Variants in UGT2A2 observed in about 807,000 individuals in gnomAD.
UGT2A2 encodes the protein UDP-glucuronosyltransferase 2A2.
UGT2A2 carries 60 observed loss-of-function variants against 50.7 expected under a neutral mutation model. The observed-to-expected ratio is 1.18, with a 90% CI of 0.96 to 1.47. UGT2A2 has a LOEUF of 1.47. Among genes scored for constraint, UGT2A2 ranks in the 40% most tolerant of loss-of-function variants. The pLI, the probability that UGT2A2 is intolerant of heterozygous loss-of-function variation, is 0.00. For missense variants in UGT2A2, 762 were observed against 634.0 expected (o/e 1.20, Z -2.17); for synonymous variants, 242 against 214.6 (o/e 1.13, Z -1.11).
chr4:69,598,007 G>T (rs1481557198), intron 2 of UGT2A2, among the ~76,000 whole-genome samples: 2 of 152,092 alleles, frequency 1.3e-5, no homozygotes, highest in Non-Finnish European at 2.9e-5. Context: ...GTGTGTTTGT[G>T]TAAAAAGTGG....
chr4:69,623,222 G>A (rs1720852653), intron 1 of UGT2A2, among the ~76,000 whole-genome samples: 1 of 151,720 alleles, frequency 6.6e-6, no homozygotes, highest in Non-Finnish European at 1.5e-5. Flanking sequence ...AATTGTGATT[G>A]TACTGCATGC....
At chr4:69,634,928 G>T (rs1721591526) in intron 1 of UGT2A2, among the ~76,000 whole-genome samples, 1 of 151,908 alleles carries the variant, frequency 6.6e-6, no homozygotes, top group Non-Finnish European at 1.5e-5. Flanking sequence ...TAAGAGATTT[G>T]TTTTCTTCAT....
intron 1 of UGT2A2, among the ~76,000 whole-genome samples, chr4:69,608,138 C>G (rs949694559): frequency 6.6e-6 from 1 of 152,082 alleles, no homozygotes; most frequent in Admixed American, 6.6e-5. Flanking sequence ...TATTGCAGCG[C>G]TATTCACAAT....
chr4:69,611,546 G>GT (rs1005084869), intron 1 of UGT2A2, among the ~76,000 whole-genome samples: 1 of 151,860 alleles, frequency 6.6e-6, no homozygotes, highest in Non-Finnish European at 1.5e-5. Context: ...ATAGCTCAGA[G>GT]TTTTTTTCTC....
intron 1 of UGT2A2, among the ~76,000 whole-genome samples, chr4:69,632,301 G>A (rs1033962146): frequency 2.0e-5 from 3 of 152,074 alleles, no homozygotes; most frequent in Non-Finnish European, 2.9e-5. Context: ...TAGGTTTTGG[G>A]GTTAATAAGG....
rs1338376900 is a variant in UGT2A2 at position 69,589,041 on chromosome 4, T to C, written c.*331A>G. On this transcript the variant is annotated 3_prime_UTR_variant, in exon 6 of 6. Transcript: ENST00000604629. ...CAGGATTCAGCATATTGTTAATCAT[T>C]AATTAAGGTTAACGATAAAATAATT... 1 of 190,724 alleles carries C rather than the reference T, an allele frequency of 5.2e-6. No homozygotes were observed. Among genetic ancestry groups the C allele is most frequent in the Non-Finnish European group, 1.1e-5 (1 of 91,160 alleles). 11.8% of individuals were successfully genotyped at this position (190,724 alleles called of 1,614,324 possible).
At chr4:69,595,555 G>A (rs1219925434) in intron 3 of UGT2A2, among the ~76,000 whole-genome samples, 1 of 152,062 alleles carries the variant, frequency 6.6e-6, no homozygotes, top group Non-Finnish European at 1.5e-5. Flanking sequence ...ACAACATGAA[G>A]GGGAAAAATC....
At position 69,629,109 on chromosome 4, in the gene UGT2A2, T is replaced by C. The variant is rs531977072; in HGVS notation, c.742+9790A>G. ...TTTTTTCAAACATTGCTATTCCCTC[T>C]CCTTTTAACCACCTTCACTTGAATT... is the stretch of plus-strand genomic sequence containing the variant. On this transcript the variant is annotated intron_variant, in intron 1 of 5. Transcript: ENST00000604629. 3.3e-4 allele frequency among the ~76,000 whole-genome samples: 50 copies of C among 152,030 alleles called. 1 individual carries two copies. Among genetic ancestry groups the C allele is most frequent in the African/African-American group, 9.2e-4 (38 of 41,492 alleles).
chr4:69,639,414 G>A lies in UGT2A2; in HGVS notation c.227C>T (p.Ser76Phe). 6.2e-7 allele frequency: 1 copy of A among 1,613,302 alleles called. No homozygotes were observed. Among genetic ancestry groups the A allele is most frequent in the East Asian group, 2.2e-5 (1 of 44,866 alleles). ...ATLFINSNPD[S>F]PVNFEVIPVS... ...AGGTATCACTTCAAAATTCACAGGA[G>A]AATCGGGATTGGAGTTGATGAATAG... Residue 76 changes from serine (S) to phenylalanine (F), a missense_variant, in exon 1 of 6, where the codon TCT (serine) becomes TTT (phenylalanine). By Grantham distance (155) the Ser-to-Phe change is radical (BLOSUM62 -2). Transcript: ENST00000604629.
chr4:69,590,522 A>C (rs1237374700), intron 5 of UGT2A2, among the ~76,000 whole-genome samples: 1 of 152,128 alleles, frequency 6.6e-6, no homozygotes, highest in Non-Finnish European at 1.5e-5. Flanking sequence ...GTTTGTGCAG[A>C]GATGTCCCGG....
intron 1 of UGT2A2, among the ~76,000 whole-genome samples, chr4:69,606,792 A>G (rs1185532493): frequency 1.5e-5 from 2 of 136,872 alleles, no homozygotes; most frequent in Non-Finnish European, 3.1e-5. Flanking sequence ...ACAAACAGAG[A>G]GCCAAATCAC....
chr4:69,623,818 A>T (rs1684119140), intron 1 of UGT2A2, among the ~76,000 whole-genome samples: 1 of 151,566 alleles, frequency 6.6e-6, no homozygotes, highest in African/African-American at 2.4e-5. Context: ...TTTTTAAAAC[A>T]GATTCATTTG....
At chr4:69,634,011 C>T (rs1460627401) in intron 1 of UGT2A2, among the ~76,000 whole-genome samples, 1 of 151,994 alleles carries the variant, frequency 6.6e-6, no homozygotes, top group East Asian at 1.9e-4. Context: ...TTTGGGAGGC[C>T]GAGGCGGGCG....
At chr4:69,596,418 G>A (rs1428109877) in intron 2 of UGT2A2, 37 bp from the exon 3 acceptor site, 5 of 1,457,194 alleles carry the variant, frequency 3.4e-6, no homozygotes, top group Middle Eastern at 3.7e-4. Flanking sequence ...CAAAGGTGTA[G>A]CATCATAAGA....
chr4:69,608,141 T>C (rs6814603), intron 1 of UGT2A2, among the ~76,000 whole-genome samples: 1 of 151,846 alleles, frequency 6.6e-6, no homozygotes, highest in Non-Finnish European at 1.5e-5. Context: ...TGCAGCGCTA[T>C]TCACAATAGC....
At chr4:69,631,202 A>G (rs1001377365) in intron 1 of UGT2A2, among the ~76,000 whole-genome samples, 6 of 152,178 alleles carry the variant, frequency 3.9e-5, no homozygotes, top group Admixed American at 1.3e-4. Context: ...CTAGAATCAC[A>G]AAGATACCTA....
Position 69,638,853 on chromosome 4 carries a change from A to G in UGT2A2, c.742+46T>C, listed in dbSNP as rs112214956. The G allele has an allele frequency of 4.7e-6, 7 of 1,476,154 alleles. No homozygotes were observed. In the African/African-American group the frequency reaches 9.9e-5, roughly 21 times the overall value. 91.4% of individuals were successfully genotyped at this position (1,476,154 alleles called of 1,614,324 possible). On this transcript the variant is annotated intron_variant, in intron 1 of 5. Coordinates refer to ENST00000604629, the MANE Select transcript of UGT2A2 (RefSeq NM_001105677.2). ...TCGTTTGCCATATGACAATAAGAAT[A>G]AATAAGGGATGTGGAGTCATTAAAA...
intron 1 of UGT2A2, among the ~76,000 whole-genome samples, chr4:69,606,477 A>C (rs201140879): frequency 1.5e-5 from 2 of 136,434 alleles, no homozygotes; most frequent in African/African-American, 5.9e-5. Context: ...TACTGAATGG[A>C]CAAAAACTGG....
intron 1 of UGT2A2, among the ~76,000 whole-genome samples, chr4:69,601,353 C>T (rs1719278403): frequency 6.6e-6 from 1 of 152,084 alleles, no homozygotes; most frequent in Non-Finnish European, 1.5e-5. Context: ...ACAGAAAGGA[C>T]AGAGAATTTG....
Sources: gnomAD v4.1 joint callset for allele counts (sites outside exome capture counted in the v4.1 genomes callset) on GRCh38, gnomAD v4.1.1 for gene constraint, MANE v1.5 for transcripts, NCBI Gene and HGNC (gene_info 2026-07-23, HGNC 2026-07-21) for gene names.